The following SCIN variants were observed in gnomAD, a reference collection of about 807,000 sequenced individuals.
SCIN encodes the protein adseverin.
SCIN carries 91 observed loss-of-function variants against 91.8 expected under a neutral mutation model. The ratio of observed to expected loss-of-function variants is 0.99; its 90% CI spans 0.84 to 1.18. SCIN has a LOEUF of 1.18. Ranked by LOEUF, SCIN falls within the 50% of genes most tolerant of loss-of-function variation. The pLI is 0.00. For missense variants in SCIN, 1,087 were observed against 863.9 expected, an observed-to-expected ratio of 1.26 and a Z score of -3.24; for synonymous variants, 367 against 312.6, an observed-to-expected ratio of 1.17 and a Z score of -1.84.
intron 15 of SCIN, 90 bp from the exon 16 acceptor site, chr7:12,652,498 C>A (rs1784099986): frequency 6.9e-6 from 8 of 1,160,932 alleles, no homozygotes; most frequent in Non-Finnish European, 6.1e-6. Context: ...AAATTTAATT[C>A]ATTACTTTTA....
At chr7:12,626,096 G>T (rs947286635) in intron 7 of SCIN, 4 of 443,912 alleles carry the variant, frequency 9.0e-6, no homozygotes, top group African/African-American at 8.1e-5. Flanking sequence ...TTTAATTCAA[G>T]ATAGTAAACC....
chr7:12,594,257 T>G (rs1290301065), intron 3 of SCIN, among the ~76,000 whole-genome samples: 3 of 151,858 alleles, frequency 2.0e-5, no homozygotes, highest in Non-Finnish European at 4.4e-5. Flanking sequence ...AGGATCATGA[T>G]GCTGTCGAGG....
At chr7:12,614,187 G>A (rs1294629920) in intron 4 of SCIN, among the ~76,000 whole-genome samples, 2 of 152,162 alleles carry the variant, frequency 1.3e-5, no homozygotes, top group African/African-American at 4.8e-5. Flanking sequence ...CTCTCATCTT[G>A]TGTTCTACAA....
intron 4 of SCIN, among the ~76,000 whole-genome samples, chr7:12,607,570 T>C (rs759996019): frequency 1.5e-4 from 23 of 152,200 alleles, no homozygotes; most frequent in Non-Finnish European, 2.5e-4. Context: ...GATGTCTGTG[T>C]TTCCAAGACT....
chr7:12,622,934 G>A, intron 5 of SCIN, 41 bp downstream of exon 5: 1 of 1,460,078 alleles, frequency 6.8e-7, no homozygotes, highest in Non-Finnish European at 9.6e-7. Flanking sequence ...CAACAGTACT[G>A]GATGTAGCTA....
At chr7:12,643,835 A>T (rs1783902272) in intron 11 of SCIN, among the ~76,000 whole-genome samples, 1 of 152,158 alleles carries the variant, frequency 6.6e-6, no homozygotes, top group Non-Finnish European at 1.5e-5. Context: ...CTGGAATCAC[A>T]CATCACACTT....
intron 1 of SCIN, chr7:12,577,579 G>A (rs1475657534): frequency 2.2e-6 from 1 of 456,424 alleles, no homozygotes. Context: ...GGCCGGGCAT[G>A]GTGGCTCATA....
chr7:12,644,745 G>A, intron 13 of SCIN, 40 bp downstream of exon 13: 2 of 1,540,560 alleles, frequency 1.3e-6, no homozygotes, highest in Non-Finnish European at 8.7e-7. Flanking sequence ...GCTGGTTGCG[G>A]TGGCTCATGC....
chr7:12,589,244 T>G (rs1583281691), intron 3 of SCIN, among the ~76,000 whole-genome samples: 1 of 131,426 alleles, frequency 7.6e-6, no homozygotes, highest in Non-Finnish European at 1.6e-5. Flanking sequence ...TGAGATGGAG[T>G]CTTGCTCTGT....
At chr7:12,608,869 G>A (rs921149080) in intron 4 of SCIN, among the ~76,000 whole-genome samples, 15 of 152,142 alleles carry the variant, frequency 9.9e-5, no homozygotes, top group African/African-American at 3.6e-4. Flanking sequence ...GTGAAAGTTA[G>A]AAATGGCTTG....
chr7:12,581,134 G>A lies in SCIN; in HGVS notation c.429G>A (p.Lys143=), dbSNP rs1046191121. 6.4e-7 allele frequency: 1 copy of A among 1,551,360 alleles called. No individual in the cohort carries two copies. Among genetic ancestry groups the A allele is most frequent in the Non-Finnish European group, 8.7e-7 (1 of 1,146,846 alleles). Residue 143 remains lysine, a synonymous_variant, in exon 3 of 16, where the codon AAG becomes AAA. Transcript: ENST00000297029. ...DLTAKRLLHV[K]GRRVVRATEV... is the part of the protein sequence containing the mutation. The stretch of plus-strand genomic sequence containing the variant: ...CAGCCAAGAGGCTCCTACATGTGAA[G>A]GGTCGTAGAGTGGTGAGAGCCACAG...
At chr7:12,609,902 A>G (rs1416898516) in intron 4 of SCIN, among the ~76,000 whole-genome samples, 1 of 152,146 alleles carries the variant, frequency 6.6e-6, no homozygotes, top group Non-Finnish European at 1.5e-5. Context: ...AGAATAACAT[A>G]TTATGTCTCC....
chr7:12,605,207 A>G (rs1156635626), intron 4 of SCIN, among the ~76,000 whole-genome samples: 6 of 152,174 alleles, frequency 3.9e-5, no homozygotes, highest in Admixed American at 2.6e-4. Flanking sequence ...GCCCACCACC[A>G]TACCTGGCTA....
chr7:12,571,980 C>T (rs780604234), intron 1 of SCIN, among the ~76,000 whole-genome samples: 7 of 152,184 alleles, frequency 4.6e-5, no homozygotes, highest in Non-Finnish European at 1.0e-4. Context: ...CTGCCCAGTA[C>T]TCGTGTTTGT....
At chr7:12,614,042 G>A (rs1181511074) in intron 4 of SCIN, among the ~76,000 whole-genome samples, 4 of 152,254 alleles carry the variant, frequency 2.6e-5, no homozygotes, top group Middle Eastern at 3.4e-3. Flanking sequence ...ACATCTTAAC[G>A]ATGTCTGATA....
In SCIN at chr7:12,625,665, A is replaced by G. The variant is rs76781748; in HGVS notation, c.893-97A>G. 2,634 of 934,738 alleles carry G rather than the reference A, an allele frequency of 2.8e-3. 8 individuals carry two copies. The highest frequency in any genetic ancestry group is 5.5e-3 in the Middle Eastern group (17 of 3,100). The allele number at this position is 934,738 out of a possible 1,614,324, so 57.9% of individuals were successfully genotyped here. On this transcript the variant is annotated intron_variant, in intron 6 of 15. Coordinates refer to ENST00000297029, the MANE Select transcript of SCIN (RefSeq NM_001112706.3). Reference sequence around the variant, plus strand: ...TCTTTCACTGCTGTATTTAACTTCAATTATAATCATGTTTATTATGGTACA... The same window carrying G: ...TCTTTCACTGCTGTATTTAACTTCAGTTATAATCATGTTTATTATGGTACA...
At chr7:12,652,016 C>G (rs1409922651) in intron 15 of SCIN, 115 bp downstream of exon 15, 1 of 657,974 alleles carries the variant, frequency 1.5e-6, no homozygotes, top group African/African-American at 1.9e-5. Flanking sequence ...CAAGAAGTAG[C>G]TTAGCATTCC....
intron 9 of SCIN, among the ~76,000 whole-genome samples, chr7:12,632,411 A>G (rs898238285): frequency 6.8e-4 from 104 of 152,224 alleles, no homozygotes; most frequent in African/African-American, 2.4e-3. Context: ...GATTACAGGC[A>G]TGAGCCACTG....
chr7:12,570,771 A>ATCGG lies in SCIN; in HGVS notation c.-13_-12insGTCG. ...AGCGATATCACGCGTCCCCCGGAGC[A>ATCGG]TCGCGTGCAGGAGCCATGGCGCGGG... On this transcript the variant is annotated 5_prime_UTR_variant, in exon 1 of 16. Coordinates refer to ENST00000297029, the MANE Select transcript of SCIN (RefSeq NM_001112706.3). 3 of 1,548,672 alleles carry ATCGG rather than the reference A, an allele frequency of 1.9e-6. No individual in the cohort carries two copies. Among genetic ancestry groups the ATCGG allele is most frequent in the Non-Finnish European group, 2.6e-6 (3 of 1,145,554 alleles).
Sources: gnomAD v4.1 joint callset for allele counts (sites outside exome capture counted in the v4.1 genomes callset) on GRCh38, gnomAD v4.1.1 for gene constraint, MANE v1.5 for transcripts, NCBI Gene and HGNC (gene_info 2026-07-23, HGNC 2026-07-21) for gene names.